The following CYFIP2 variants were observed in gnomAD, a reference collection of about 807,000 sequenced individuals.
CYFIP2 encodes the protein cytoplasmic FMR1-interacting protein 2.
Under a neutral mutation model 158.7 loss-of-function variants are expected in CYFIP2, and 29 were observed. The observed-to-expected ratio is 0.18, with a 90% CI of 0.14 to 0.25. The LOEUF is 0.25. Among genes scored for constraint, CYFIP2 ranks in the 10% least tolerant of loss-of-function variants. The probability of loss-of-function intolerance (pLI) is 1.00; values close to 1 mark genes in which losing one functional copy is unlikely to be tolerated. For missense variants in CYFIP2, 852 were observed against 1,639.5 expected, an observed-to-expected ratio of 0.52 and a Z score of 8.29; for synonymous variants, 585 against 617.6, an observed-to-expected ratio of 0.95 and a Z score of 0.78.
intron 13 of CYFIP2, among the ~76,000 whole-genome samples, chr5:157,317,281 A>T (rs1173312317): frequency 6.6e-6 from 1 of 152,154 alleles, no homozygotes; most frequent in Admixed American, 6.5e-5. Flanking sequence ...AAACATGTTT[A>T]AAAAAATTAA....
At chr5:157,269,179 C>T (rs77133777) in intron 1 of CYFIP2, among the ~76,000 whole-genome samples, 8 of 151,786 alleles carry the variant, frequency 5.3e-5, no homozygotes, top group Non-Finnish European at 1.2e-4. Flanking sequence ...GTTTACCGGC[C>T]GAAGGAAGGG....
intron 9 of CYFIP2, 68 bp downstream of exon 9, chr5:157,307,933 A>G: frequency 1.1e-6 from 1 of 889,768 alleles, no homozygotes; most frequent in African/African-American, 1.7e-5. Context: ...TTTGGGGGAA[A>G]GGGATGAAAT....
chr5:157,269,132 G>A (rs1755864792), intron 1 of CYFIP2, among the ~76,000 whole-genome samples: 1 of 152,016 alleles, frequency 6.6e-6, no homozygotes, highest in Admixed American at 6.6e-5. Flanking sequence ...CTTTTTTGAG[G>A]GAAGTTGGTC....
At chr5:157,357,616 G>A (rs111498409) in intron 23 of CYFIP2, among the ~76,000 whole-genome samples, 15,200 of 152,066 alleles carry the variant, frequency 0.1, 834 homozygotes, top group Middle Eastern at 0.15. Flanking sequence ...ATCACTTGAG[G>A]TCAGGAGTTT....
chr5:157,329,148 G>A (rs913609826), intron 19 of CYFIP2, among the ~76,000 whole-genome samples: 4 of 152,364 alleles, frequency 2.6e-5, no homozygotes, highest in Non-Finnish European at 1.5e-5. Flanking sequence ...CACAGGATGT[G>A]CATTAAATAA....
chr5:157,358,882 G>T (rs1158115230), intron 23 of CYFIP2, 123 bp from the exon 24 acceptor site: 3 of 1,254,116 alleles, frequency 2.4e-6, no homozygotes, highest in South Asian at 2.7e-5. Context: ...TATTCATGGG[G>T]CTCCAGTGAG....
At chr5:157,359,291 T>C (rs1344927168) in intron 24 of CYFIP2, 143 bp downstream of exon 24, 2 of 833,714 alleles carry the variant, frequency 2.4e-6, no homozygotes, top group African/African-American at 3.4e-5. Context: ...AGGAGTTCCC[T>C]TGCCCATATC....
chr5:157,274,107 G>A (rs1224989575), intron 1 of CYFIP2, among the ~76,000 whole-genome samples: 1 of 150,028 alleles, frequency 6.7e-6, no homozygotes, highest in Admixed American at 6.6e-5. Context: ...TCCAGCCTGG[G>A]GAACAAGAGT....
chr5:157,360,510 T>TA, intron 25 of CYFIP2, 138 bp downstream of exon 25: 1 of 653,914 alleles, frequency 1.5e-6, no homozygotes, highest in East Asian at 2.7e-5. Context: ...CGCCACTAGC[T>TA]AGATAGCCTT....
chr5:157,322,854 C>G, intron 15 of CYFIP2: 199 of 567,840 alleles, frequency 3.5e-4, no homozygotes, highest in Non-Finnish European at 4.6e-4. Context: ...TCTTGCTTTT[C>G]TCTCTCTCTC....
chr5:157,325,884 G>C (rs1171569590), intron 17 of CYFIP2: 8 of 542,076 alleles, frequency 1.5e-5, no homozygotes, highest in Non-Finnish European at 2.6e-5. Flanking sequence ...GCTCAGAAAA[G>C]AATCATCTCA....
At chr5:157,277,763 A>G (rs1756678608) in intron 1 of CYFIP2, among the ~76,000 whole-genome samples, 1 of 152,176 alleles carries the variant, frequency 6.6e-6, no homozygotes, top group South Asian at 2.1e-4. Context: ...ATTACCAATT[A>G]GCAATGTCTG....
At chr5:157,351,306 C>A (rs1763053293) in intron 23 of CYFIP2, among the ~76,000 whole-genome samples, 1 of 152,210 alleles carries the variant, frequency 6.6e-6, no homozygotes, top group Non-Finnish European at 1.5e-5. Context: ...GTCATAGCTT[C>A]ATCCAGAGGC....
chr5:157,366,085 G>A (rs1764342862), intron 26 of CYFIP2, among the ~76,000 whole-genome samples: 1 of 152,146 alleles, frequency 6.6e-6, no homozygotes, highest in African/African-American at 2.4e-5. Context: ...ATTCAGCAGT[G>A]TATGAGAGTT....
In CYFIP2 at chr5:157,380,141, T is replaced by G. The variant is rs1765909404; in HGVS notation, c.3040-2449T>G. The G allele has an allele frequency of 3.3e-5, 5 of 152,224 alleles. 1 individual carries two copies. The South Asian group carries it at 1.0e-3, about 32-fold the overall frequency. 9.4% of individuals were successfully genotyped at this position (152,224 alleles called of 1,614,324 possible). On this transcript the variant is annotated intron_variant, in intron 26 of 30. Coordinates refer to ENST00000620254, the MANE Select transcript of CYFIP2 (RefSeq NM_001037333.3). Reference sequence around the variant, plus strand: ...GATGGTGTCAGCTGATCCACTGGAGTGCAGGGTCTGCAAAATATCTCAAGC... The same window carrying G: ...GATGGTGTCAGCTGATCCACTGGAGGGCAGGGTCTGCAAAATATCTCAAGC...
chr5:157,391,148 C>T (rs1295044908), intron 30 of CYFIP2, among the ~76,000 whole-genome samples: 1 of 151,922 alleles, frequency 6.6e-6, no homozygotes, highest in Non-Finnish European at 1.5e-5. Context: ...AAGAACCAAG[C>T]AGCAAAGGTG....
At chr5:157,325,338 AAG>A (rs1760938304) in intron 16 of CYFIP2, 142 bp from the exon 17 acceptor site, 9 of 896,124 alleles carry the variant, frequency 1.0e-5, no homozygotes, top group Non-Finnish European at 1.2e-5. Flanking sequence ...CTTTAAGTAA[AAG>A]AGAGCAGGAT....
intron 6 of CYFIP2, 131 bp downstream of exon 6, chr5:157,301,027 A>C: frequency 9.4e-6 from 7 of 744,588 alleles, no homozygotes; most frequent in Non-Finnish European, 1.4e-5. Context: ...CATCCCCCAA[A>C]CATAGTGAGG....
chr5:157,342,661 G>A (rs980855408), intron 23 of CYFIP2: 5 of 523,736 alleles, frequency 9.5e-6, no homozygotes, highest in Non-Finnish European at 1.7e-5. Flanking sequence ...GAGATGCCTC[G>A]TTTGTGCCTT....
Sources: allele counts gnomAD v4.1 joint callset (sites outside exome capture counted in the v4.1 genomes callset), GRCh38; gene constraint gnomAD v4.1.1; transcripts MANE v1.5; gene names NCBI Gene and HGNC (gene_info 2026-07-23, HGNC 2026-07-21).